DPH6: variants seen among roughly 807,000 people sequenced by gnomAD.
The protein encoded by DPH6 is diphthine--ammonia ligase.
In DPH6, 33 loss-of-function variants were observed where a neutral mutation model predicts 38.2. That is an observed-to-expected ratio of 0.86 (90% CI 0.65 to 1.15). The LOEUF is 1.15. Among genes scored for constraint, DPH6 ranks in the 50% most tolerant of loss-of-function variants. The pLI is 0.00. For missense variants in DPH6, 325 were observed against 320.0 expected, an observed-to-expected ratio of 1.02 and a Z score of -0.12; for synonymous variants, 108 against 103.0, an observed-to-expected ratio of 1.05 and a Z score of -0.30.
At chr15:35,378,784 A>G (rs2052818147) in intron 7 of DPH6, among the ~76,000 whole-genome samples, 1 of 150,214 alleles carries the variant, frequency 6.7e-6, no homozygotes, top group Non-Finnish European at 1.5e-5. Context: ...ATGAGAACAC[A>G]TGGACACAGG....
chr15:35,202,855 A>G, the DPH6 span, among the ~76,000 whole-genome samples: 1 of 151,762 alleles, frequency 6.6e-6, no homozygotes, highest in African/African-American at 2.4e-5. Flanking sequence ...AGGAGACACA[A>G]CCAGCACACA....
chr15:35,204,141 C>T, the DPH6 span, among the ~76,000 whole-genome samples: 1 of 151,710 alleles, frequency 6.6e-6, no homozygotes, highest in African/African-American at 2.4e-5. Context: ...CCATAGTTGA[C>T]AGGCTGCTTT....
At chr15:35,347,354 T>C (rs2052471338) in intron 3 of DPH6, among the ~76,000 whole-genome samples, 2 of 152,074 alleles carry the variant, frequency 1.3e-5, no homozygotes, top group African/African-American at 4.8e-5. Context: ...GGCGTCACTT[T>C]GTTGCTCAGG....
intron 3 of DPH6, among the ~76,000 whole-genome samples, chr15:35,534,483 G>A (rs2055138834): frequency 6.6e-6 from 1 of 151,234 alleles, no homozygotes; most frequent in Non-Finnish European, 1.5e-5. Context: ...TACATCTATA[G>A]AAAGAAAAAT....
At chr15:35,530,055 T>A (rs2055064573) in intron 3 of DPH6, among the ~76,000 whole-genome samples, 1 of 152,210 alleles carries the variant, frequency 6.6e-6, no homozygotes, top group Non-Finnish European at 1.5e-5. Context: ...TATTATTGTG[T>A]GACCACAAAT....
intron 3 of DPH6, among the ~76,000 whole-genome samples, chr15:35,256,793 A>T (rs1009792390): frequency 1.3e-5 from 2 of 152,218 alleles, no homozygotes; most frequent in African/African-American, 4.8e-5. Flanking sequence ...CTAAAGGGAA[A>T]GAGAGATGTT....
intron 3 of DPH6, among the ~76,000 whole-genome samples, chr15:35,342,606 T>A (rs562888735): frequency 6.6e-6 from 1 of 152,374 alleles, no homozygotes; most frequent in South Asian, 2.1e-4. Context: ...CTGCTTCTAA[T>A]TGGCCATGTT....
downstream of DPH6, among the ~76,000 whole-genome samples, chr15:35,368,321 C>T (rs960083214): frequency 1.3e-5 from 2 of 151,800 alleles, no homozygotes; most frequent in African/African-American, 4.8e-5. Flanking sequence ...TTCAGTATCA[C>T]TAGAGCAAAG....
At chr15:35,162,217 A>G in the DPH6 span, among the ~76,000 whole-genome samples, 1 of 151,858 alleles carries the variant, frequency 6.6e-6, no homozygotes, top group Admixed American at 6.6e-5. Context: ...GTTCCTTCAT[A>G]ATATTCTCCA....
At chr15:35,525,873 AC>A (rs906474580) in intron 3 of DPH6, among the ~76,000 whole-genome samples, 2 of 152,290 alleles carry the variant, frequency 1.3e-5, no homozygotes, top group African/African-American at 4.8e-5. Flanking sequence ...AAAAATTTAC[AC>A]CTACAAAACA....
At chr15:35,173,551 C>T in the DPH6 span, among the ~76,000 whole-genome samples, 1 of 28,472 alleles carries the variant, frequency 3.5e-5, no homozygotes, top group Non-Finnish European at 1.2e-4. Flanking sequence ...AATGTATCTG[C>T]CTTTTTTTTT....
chr15:35,180,284 A>G, the DPH6 span, among the ~76,000 whole-genome samples: 2 of 152,144 alleles, frequency 1.3e-5, no homozygotes, highest in Non-Finnish European at 2.9e-5. Context: ...GTAGAGAAAA[A>G]CAATGTATAT....
chr15:35,150,362 G>A, the DPH6 span, among the ~76,000 whole-genome samples: 3 of 152,118 alleles, frequency 2.0e-5, no homozygotes, highest in Non-Finnish European at 2.9e-5. Flanking sequence ...TTATAGAGAA[G>A]TTCCTTAGCC....
At chr15:35,149,291 T>G in the DPH6 span, among the ~76,000 whole-genome samples, 1 of 152,116 alleles carries the variant, frequency 6.6e-6, no homozygotes, top group Non-Finnish European at 1.5e-5. Context: ...GGGCTGGAGT[T>G]CAGTGGCCCC....
intron 3 of DPH6, among the ~76,000 whole-genome samples, chr15:35,459,368 G>T (rs2054034860): frequency 6.6e-6 from 1 of 152,102 alleles, no homozygotes; most frequent in Admixed American, 6.5e-5. Context: ...TATCATGAGG[G>T]CCTCACTTTC....
chr15:35,365,741 A>C (rs2052652995), intron 3 of DPH6: 1 of 977,626 alleles, frequency 1.0e-6, no homozygotes, highest in Admixed American at 6.2e-5. Context: ...CTACTACCAA[A>C]GTCCATTTAC....
chr15:35,347,182 T>C (rs968698258), intron 3 of DPH6, among the ~76,000 whole-genome samples: 1 of 152,312 alleles, frequency 6.6e-6, no homozygotes. Flanking sequence ...ACTATTCTAC[T>C]ATATAGTTCT....
chr15:35,514,760 T>TA (rs1364543919), intron 3 of DPH6, among the ~76,000 whole-genome samples: 1 of 152,158 alleles, frequency 6.6e-6, no homozygotes, highest in Non-Finnish European at 1.5e-5. Context: ...GATAAACTGA[T>TA]AAATTATTTC....
chr15:35,369,979 G>C (rs2052696409), downstream of DPH6, among the ~76,000 whole-genome samples: 1 of 151,762 alleles, frequency 6.6e-6, no homozygotes, highest in South Asian at 2.1e-4. Context: ...TTACTGCAAA[G>C]CTATAGTAAT....
Sources: gnomAD v4.1 joint callset for allele counts (sites outside exome capture counted in the v4.1 genomes callset) on GRCh38, gnomAD v4.1.1 for gene constraint, MANE v1.5 for transcripts, NCBI Gene and HGNC (gene_info 2026-07-23, HGNC 2026-07-21) for gene names.